The following HELZ variants were observed in gnomAD, a reference collection of about 807,000 sequenced individuals.
The protein encoded by HELZ is helicase with zinc finger, also known as ATP-dependent RNA helicase with zinc finger domain.
In HELZ, 23 loss-of-function variants were observed where a neutral mutation model predicts 218.2. The observed-to-expected ratio is 0.11, with a 90% CI of 0.08 to 0.15. The LOEUF is 0.15. Ranked by LOEUF, HELZ falls within the 10% of genes least tolerant of loss-of-function variation. HELZ has a pLI of 1.00. For synonymous variants in HELZ, 814 were observed against 829.4 expected, an observed-to-expected ratio of 0.98 and a Z score of 0.32; for missense variants, 1,813 against 2,353.7, an observed-to-expected ratio of 0.77 and a Z score of 4.75.
Position 67,245,137 on chromosome 17 carries a change from T to C in HELZ, c.-132+11A>G. On this transcript the variant is annotated intron_variant, in intron 1 of 32. Transcript: ENST00000358691. ...GCCCCAGGAGCAGAGAAGGGGGAAG[T>C]CAGGACTTACCTGTCATTACTTTCT... is the stretch of plus-strand genomic sequence containing the variant. 1.0e-6 allele frequency: 1 copy of C among 984,786 alleles called. No homozygotes were observed. The highest frequency in any genetic ancestry group is 1.2e-6 in the Non-Finnish European group (1 of 829,804). The allele number at this position is 984,786 out of a possible 1,614,324, so 61.0% of individuals were successfully genotyped here.
chr17:67,179,793 A>C (rs982740988), intron 12 of HELZ: 1 of 152,246 alleles, frequency 6.6e-6, no homozygotes, highest in Non-Finnish European at 1.5e-5. Context: ...CAAGACTTTG[A>C]CATAACATAA....
chr17:67,094,717 G>A (rs2036689787), intron 31 of HELZ, among the ~76,000 whole-genome samples: 1 of 152,170 alleles, frequency 6.6e-6, no homozygotes, highest in Non-Finnish European at 1.5e-5. Flanking sequence ...TTGAGCCCAT[G>A]AGTTTGAGGC....
chr17:67,114,920 A>G (rs1452889364), intron 27 of HELZ, among the ~76,000 whole-genome samples: 1 of 152,228 alleles, frequency 6.6e-6, no homozygotes, highest in Non-Finnish European at 1.5e-5. Context: ...GATAAATAGT[A>G]GAGCAGGCAA....
chr17:67,166,402 T>G (rs2039144835), intron 15 of HELZ, 76 bp downstream of exon 15: 6 of 1,270,848 alleles, frequency 4.7e-6, no homozygotes, highest in African/African-American at 2.9e-5. Flanking sequence ...TATAAAAGTA[T>G]GCTTGAGTTA....
chr17:67,193,507 G>C (rs2039950631), intron 9 of HELZ, among the ~76,000 whole-genome samples: 1 of 152,074 alleles, frequency 6.6e-6, no homozygotes, highest in Non-Finnish European at 1.5e-5. Flanking sequence ...CACAAGATCA[G>C]GAGTTCAAGA....
At chr17:67,098,461 G>A (rs1010240985) in intron 31 of HELZ, among the ~76,000 whole-genome samples, 10 of 151,996 alleles carry the variant, frequency 6.6e-5, no homozygotes, top group South Asian at 2.1e-4. Context: ...AAAGCCAGGC[G>A]TGGTGGCTCA....
At chr17:67,126,395 G>A in intron 24 of HELZ, among the ~76,000 whole-genome samples, 1 of 152,058 alleles carries the variant, frequency 6.6e-6, no homozygotes, top group East Asian at 1.9e-4. Context: ...AAAAGATAGT[G>A]GCATGTCTAC....
At chr17:67,150,753 C>T (rs2038657640) in intron 18 of HELZ, among the ~76,000 whole-genome samples, 1 of 152,114 alleles carries the variant, frequency 6.6e-6, no homozygotes, top group African/African-American at 2.4e-5. Context: ...ATAGCAGTCA[C>T]TAAAATGTCT....
chr17:67,128,317 T>G (rs979651996), intron 24 of HELZ, among the ~76,000 whole-genome samples: 1 of 152,214 alleles, frequency 6.6e-6, no homozygotes, highest in African/African-American at 2.4e-5. Flanking sequence ...TTTTAGTAAG[T>G]GTGATAATCT....
chr17:67,090,377 T>C (rs1027718444), intron 31 of HELZ, among the ~76,000 whole-genome samples: 2 of 152,192 alleles, frequency 1.3e-5, no homozygotes, highest in African/African-American at 4.8e-5. Context: ...TCTGTTTGTA[T>C]TGCCTTTATC....
intron 32 of HELZ, among the ~76,000 whole-genome samples, chr17:67,082,777 T>A (rs990807750): frequency 6.6e-6 from 1 of 152,040 alleles, no homozygotes; most frequent in Non-Finnish European, 1.5e-5. Context: ...GAACTTACTA[T>A]TTTTATTTAC....
intron 32 of HELZ, 25 bp downstream of exon 32, chr17:67,086,804 G>C: frequency 6.2e-7 from 1 of 1,612,246 alleles, no homozygotes; most frequent in Non-Finnish European, 8.5e-7. Context: ...GTACAGATTA[G>C]TTTTAGCCAC....
Position 67,070,476 on chromosome 17 carries a change from T to C in HELZ, c.*7776A>G, listed in dbSNP as rs2035859602. On this transcript the variant is annotated 3_prime_UTR_variant, in exon 33 of 33. Transcript: ENST00000358691. ...AAAGGCATTTTATTATAAATACATT[T>C]TAGTTGTAGCAGTAAAATACATTTT... 1 of 152,196 alleles carries C rather than the reference T, an allele frequency of 6.6e-6. No homozygotes were observed. The highest frequency in any genetic ancestry group is 1.5e-5 in the Non-Finnish European group (1 of 68,038). 9.4% of individuals were successfully genotyped at this position (152,196 alleles called of 1,614,324 possible).
intron 31 of HELZ, among the ~76,000 whole-genome samples, chr17:67,094,908 T>G (rs1251495490): frequency 1.3e-5 from 2 of 152,208 alleles, no homozygotes; most frequent in Non-Finnish European, 2.9e-5. Context: ...TGCTAAAAAA[T>G]GCTCACTGAC....
At chr17:67,238,081 C>A (rs1378565011) in intron 3 of HELZ, among the ~76,000 whole-genome samples, 1 of 150,652 alleles carries the variant, frequency 6.6e-6, no homozygotes, top group Non-Finnish European at 1.5e-5. Context: ...CATGGTGGCT[C>A]ACACCTGTAA....
chr17:67,100,349 T>C (rs981684227), intron 31 of HELZ, among the ~76,000 whole-genome samples: 1 of 152,188 alleles, frequency 6.6e-6, no homozygotes, highest in Non-Finnish European at 1.5e-5. Flanking sequence ...ATGTATGTCA[T>C]CTCTAAGATG....
At chr17:67,079,842 C>T (rs971763088) in intron 32 of HELZ, among the ~76,000 whole-genome samples, 2 of 152,318 alleles carry the variant, frequency 1.3e-5, no homozygotes, top group South Asian at 2.1e-4. Context: ...TGCAGACTAC[C>T]TCTGTCCATT....
At chr17:67,112,032 A>G (rs1187736678) in intron 28 of HELZ, among the ~76,000 whole-genome samples, 5 of 152,284 alleles carry the variant, frequency 3.3e-5, no homozygotes, top group Admixed American at 2.0e-4. Flanking sequence ...AGAAATTTAG[A>G]TAAGGACTGT....
intron 27 of HELZ, 25 bp from the exon 28 acceptor site, chr17:67,114,428 A>T (rs373479961): frequency 5.6e-6 from 8 of 1,420,298 alleles, no homozygotes; most frequent in Non-Finnish European, 7.9e-6. Context: ...AAAAATCCTT[A>T]TAAGTTTTCT....
Sources: gnomAD v4.1 joint callset for allele counts (sites outside exome capture counted in the v4.1 genomes callset) on GRCh38, gnomAD v4.1.1 for gene constraint, MANE v1.5 for transcripts, NCBI Gene and HGNC (gene_info 2026-07-23, HGNC 2026-07-21) for gene names.